Variants in ITPR2 observed in about 807,000 individuals in gnomAD.
The protein encoded by ITPR2 is inositol 1,4,5-trisphosphate-gated calcium channel ITPR2.
A neutral mutation model predicts 317.1 loss-of-function variants in ITPR2; 207 were observed. The ratio of observed to expected loss-of-function variants is 0.65; its 90% CI spans 0.58 to 0.73. The LOEUF is 0.73. Among genes scored for constraint, ITPR2 ranks in the 30% least tolerant of loss-of-function variants. ITPR2 has a pLI of 0.00. For missense variants in ITPR2, 2,613 were observed against 3,284.0 expected (o/e 0.80, Z 4.99); for synonymous variants, 1,156 against 1,149.1 (o/e 1.01, Z -0.12).
intron 23 of ITPR2, among the ~76,000 whole-genome samples, chr12:26,625,635 A>C (rs1946606094): frequency 6.6e-6 from 1 of 152,226 alleles, no homozygotes; most frequent in African/African-American, 2.4e-5. Flanking sequence ...CACCAGTTAC[A>C]AAGGTGCCTC....
chr12:26,810,941 C>T (rs1950727581), intron 1 of ITPR2, among the ~76,000 whole-genome samples: 1 of 149,300 alleles, frequency 6.7e-6, no homozygotes, highest in African/African-American at 2.5e-5. Flanking sequence ...GCTGGCATTA[C>T]AGGCATGAGC....
chr12:26,548,766 C>T (rs754943343), intron 37 of ITPR2, among the ~76,000 whole-genome samples: 11 of 152,084 alleles, frequency 7.2e-5, no homozygotes, highest in Non-Finnish European at 8.8e-5. Context: ...AAACTGCACT[C>T]CTGGAATTTT....
intron 2 of ITPR2, among the ~76,000 whole-genome samples, chr12:26,739,788 T>C (rs1041249230): frequency 6.6e-6 from 1 of 152,240 alleles, no homozygotes; most frequent in African/African-American, 2.4e-5. Flanking sequence ...TTATGGTATA[T>C]AAGTTACTAT....
At chr12:26,745,871 T>G (rs1396567855) in intron 2 of ITPR2, among the ~76,000 whole-genome samples, 1 of 152,222 alleles carries the variant, frequency 6.6e-6, no homozygotes, top group African/African-American at 2.4e-5. Flanking sequence ...AATTGAAATT[T>G]AATGAGATTT....
At chr12:26,352,504 G>A (rs1362582720) in intron 55 of ITPR2, among the ~76,000 whole-genome samples, 2 of 152,216 alleles carry the variant, frequency 1.3e-5, no homozygotes, top group Non-Finnish European at 2.9e-5. Flanking sequence ...AAGATAACGA[G>A]AGTCAGTTGC....
At chr12:26,427,481 T>C (rs1941094750) in intron 49 of ITPR2, among the ~76,000 whole-genome samples, 1 of 152,178 alleles carries the variant, frequency 6.6e-6, no homozygotes, top group Admixed American at 6.5e-5. Flanking sequence ...TAATATTTTC[T>C]CATATAGAAA....
intron 55 of ITPR2, among the ~76,000 whole-genome samples, chr12:26,384,193 G>A (rs1017108869): frequency 2.6e-5 from 4 of 152,300 alleles, no homozygotes; most frequent in South Asian, 4.1e-4. Context: ...AACTTTCCAC[G>A]TGCTACAAAA....
At chr12:26,577,332 T>C (rs1276962612) in intron 34 of ITPR2, among the ~76,000 whole-genome samples, 2 of 152,198 alleles carry the variant, frequency 1.3e-5, no homozygotes, top group African/African-American at 2.4e-5. Context: ...GAGGAGGGTA[T>C]GTGCAAAGAA....
intron 21 of ITPR2, among the ~76,000 whole-genome samples, chr12:26,643,571 T>C (rs1342826420): frequency 2.0e-5 from 3 of 152,122 alleles, no homozygotes; most frequent in African/African-American, 4.8e-5. Context: ...AAACAGAACA[T>C]TGGTAGAAAT....
chr12:26,803,956 C>T (rs1468477830), intron 1 of ITPR2, among the ~76,000 whole-genome samples: 1 of 152,090 alleles, frequency 6.6e-6, no homozygotes, highest in Non-Finnish European at 1.5e-5. Context: ...GATCATTACA[C>T]ATTATATACA....
chr12:26,805,675 A>G (rs1050796914), intron 1 of ITPR2, among the ~76,000 whole-genome samples: 1 of 38,340 alleles, frequency 2.6e-5, no homozygotes, highest in African/African-American at 9.2e-5. Context: ...TCCATAAATT[A>G]CATAGCACGC....
intron 9 of ITPR2, among the ~76,000 whole-genome samples, chr12:26,704,214 G>T (rs1948508179): frequency 6.6e-6 from 1 of 152,182 alleles, no homozygotes; most frequent in African/African-American, 2.4e-5. Flanking sequence ...CTTCATTTCT[G>T]CTTTAGAAAA....
intron 2 of ITPR2, among the ~76,000 whole-genome samples, chr12:26,779,868 T>A (rs559165255): frequency 6.6e-6 from 1 of 152,276 alleles, no homozygotes; most frequent in Non-Finnish European, 1.5e-5. Flanking sequence ...GGAAGAAGCA[T>A]GATTGGAAAA....
chr12:26,608,554 C>A (rs1414510935), intron 26 of ITPR2, among the ~76,000 whole-genome samples: 1 of 151,902 alleles, frequency 6.6e-6, no homozygotes, highest in African/African-American at 2.4e-5. Context: ...AGAGGAGCGC[C>A]TCTGCCTGGC....
At chr12:26,524,066 T>C (rs1342895978) in intron 37 of ITPR2, among the ~76,000 whole-genome samples, 1 of 152,072 alleles carries the variant, frequency 6.6e-6, no homozygotes, top group Non-Finnish European at 1.5e-5. Flanking sequence ...AAACAGTTCA[T>C]TAAAACCAGT....
intron 52 of ITPR2, 77 bp downstream of exon 52, chr12:26,411,243 C>G (rs996924162): frequency 4.3e-6 from 4 of 920,908 alleles, no homozygotes; most frequent in Admixed American, 1.9e-5. Flanking sequence ...GAGCAATTCC[C>G]TAAGAGGTAA....
chr12:26,732,250 G>A (rs1317804181), intron 2 of ITPR2, among the ~76,000 whole-genome samples: 2 of 152,170 alleles, frequency 1.3e-5, no homozygotes, highest in African/African-American at 2.4e-5. Context: ...GTCATTACAG[G>A]CTTGTAGACT....
chr12:26,604,229 T>C (rs1488782880), intron 26 of ITPR2, among the ~76,000 whole-genome samples: 3 of 152,220 alleles, frequency 2.0e-5, no homozygotes, highest in Non-Finnish European at 4.4e-5. Context: ...AAAACACTCC[T>C]CACTCAGCTT....
intron 37 of ITPR2, among the ~76,000 whole-genome samples, chr12:26,511,023 T>C (rs1224640159): frequency 6.6e-6 from 1 of 152,236 alleles, no homozygotes; most frequent in African/African-American, 2.4e-5. Flanking sequence ...TTCTATGCTA[T>C]TATCAACTCT....
Sources: gnomAD v4.1 joint callset for allele counts (sites outside exome capture counted in the v4.1 genomes callset) on GRCh38, gnomAD v4.1.1 for gene constraint, MANE v1.5 for transcripts, NCBI Gene and HGNC (gene_info 2026-07-23, HGNC 2026-07-21) for gene names.